The following HDHD5 variants were observed in gnomAD, a reference collection of about 807,000 sequenced individuals.
HDHD5 encodes haloacid dehalogenase like hydrolase domain containing 5.
HDHD5 carries 34 observed loss-of-function variants against 35.5 expected under a neutral mutation model. The observed-to-expected ratio is 0.96, with a 90% CI of 0.73 to 1.28. The LOEUF is 1.28. Ranked by LOEUF, HDHD5 falls within the 50% of genes most tolerant of loss-of-function variation. The probability of loss-of-function intolerance (pLI) is 0.00; values close to 1 mark genes in which losing one functional copy is unlikely to be tolerated. For synonymous variants in HDHD5, 248 were observed against 240.6 expected, an observed-to-expected ratio of 1.03 and a Z score of -0.29; for missense variants, 589 against 560.2, an observed-to-expected ratio of 1.05 and a Z score of -0.52.
intron 3 of HDHD5, among the ~76,000 whole-genome samples, chr22:17,146,383 C>A (rs1374838091): frequency 1.4e-5 from 2 of 142,664 alleles, no homozygotes; most frequent in African/African-American, 5.2e-5. Context: ...GTGAGCTTAC[C>A]GGCCTTCGAT....
chr22:17,144,928 C>T (rs2061643584), intron 4 of HDHD5, 96 bp downstream of exon 4: 1 of 1,428,670 alleles, frequency 7.0e-7, no homozygotes, highest in African/African-American at 1.4e-5. Flanking sequence ...CAAATCACAG[C>T]TCTGCAGGAG....
intron 1 of HDHD5, among the ~76,000 whole-genome samples, chr22:17,151,676 G>A (rs1294307367): frequency 6.8e-6 from 1 of 148,058 alleles, no homozygotes; most frequent in African/African-American, 2.5e-5. Flanking sequence ...GATGCAGTGA[G>A]CCGGGATCGT....
intron 3 of HDHD5, among the ~76,000 whole-genome samples, chr22:17,146,759 C>A (rs879094637): frequency 4.4e-4 from 1 of 2,296 alleles, no homozygotes. Context: ...GCTTACCGGC[C>A]TTCAATCACA....
intron 1 of HDHD5, among the ~76,000 whole-genome samples, chr22:17,164,708 C>T (rs1219449157): frequency 6.6e-6 from 1 of 152,230 alleles, no homozygotes; most frequent in East Asian, 1.9e-4. Context: ...AACTTAACCA[C>T]ATGGTCATGC....
intron 5 of HDHD5, chr22:17,142,811 G>C (rs994704050): frequency 1.4e-4 from 48 of 352,640 alleles, no homozygotes; most frequent in Admixed American, 3.1e-4. Flanking sequence ...GGGAGAACTG[G>C]GTTTAAAAGT....
intron 6 of HDHD5, 104 bp downstream of exon 6, chr22:17,140,955 C>G: frequency 8.9e-7 from 1 of 1,118,360 alleles, no homozygotes; most frequent in Non-Finnish European, 1.2e-6. Context: ...AAGTGAGGTC[C>G]CGGCACCTGG....
chr22:17,137,985 G>A lies in HDHD5; in HGVS notation c.*36C>T, dbSNP rs749097009. ...CCCAGCCAATGGGACTCGCCCACAG[G>A]TCCAGGCTCACCCCCTCACCTCCAC... On this transcript the variant is annotated 3_prime_UTR_variant, in exon 8 of 8. Coordinates refer to ENST00000336737, the MANE Select transcript of HDHD5 (RefSeq NM_033070.3). 8 of 1,558,868 alleles carry A rather than the reference G, an allele frequency of 5.1e-6. No homozygotes were observed. The East Asian group carries it at 1.8e-4, about 35-fold the overall frequency.
chr22:17,156,645 A>G (rs1283462778), intron 1 of HDHD5, among the ~76,000 whole-genome samples: 2 of 152,068 alleles, frequency 1.3e-5, no homozygotes, highest in Non-Finnish European at 2.9e-5. Flanking sequence ...GCGTGGTGGC[A>G]GGCACCTATA....
intron 3 of HDHD5, among the ~76,000 whole-genome samples, chr22:17,146,429 A>C (rs1340603708): frequency 1.1e-4 from 9 of 81,602 alleles, no homozygotes; most frequent in African/African-American, 1.9e-4. Flanking sequence ...CCTGTGGCAC[A>C]CTCCTGTGAG....
chr22:17,143,840 G>A (rs1300124473), intron 4 of HDHD5, among the ~76,000 whole-genome samples: 1 of 152,250 alleles, frequency 6.6e-6, no homozygotes, highest in Non-Finnish European at 1.5e-5. Context: ...TGTGAGAATG[G>A]TCTGACTCAA....
chr22:17,157,734 CAA>C lies in HDHD5; in HGVS notation c.126+1390_126+1391del, dbSNP rs535488197. Among the ~76,000 whole-genome samples the C allele has an allele frequency of 5.9e-5, 9 of 152,208 alleles. No individual in the cohort carries two copies. In the South Asian group the frequency reaches 1.9e-3, roughly 32 times the overall value. On this transcript the variant is annotated intron_variant, in intron 1 of 7. Coordinates refer to ENST00000336737, the MANE Select transcript of HDHD5 (RefSeq NM_033070.3). Reference sequence around the variant, plus strand: ...TCACGTCTAGCTATGTGACACTGGCCAAGTCACTCAGCTGCTTTGAACCTTAG... The same window carrying C: ...TCACGTCTAGCTATGTGACACTGGCCGTCACTCAGCTGCTTTGAACCTTAG...
At position 17,140,956 on chromosome 22, in the gene HDHD5, C is replaced by T. The variant is rs1024842981; in HGVS notation, c.746+103G>A. 2.1e-5 allele frequency: 23 copies of T among 1,113,752 alleles called. No individual in the cohort carries two copies. In the South Asian group the frequency reaches 2.9e-4, roughly 14 times the overall value. The allele number at this position is 1,113,752 out of a possible 1,614,324, so 69.0% of individuals were successfully genotyped here. On this transcript the variant is annotated intron_variant, in intron 6 of 7. Transcript: ENST00000336737. ...AACAGGGCCTACCTAAGTGAGGTCCCGGCACCTGGGGTGTCAGGACGGATG... is the reference window on the plus strand; with the variant it reads ...AACAGGGCCTACCTAAGTGAGGTCCTGGCACCTGGGGTGTCAGGACGGATG...
At chr22:17,147,255 C>A (rs5748905) in intron 3 of HDHD5, among the ~76,000 whole-genome samples, 9 of 19,020 alleles carry the variant, frequency 4.7e-4, no homozygotes, top group Admixed American at 1.8e-3. Context: ...GCTTACCGGC[C>A]TTCGATCACA....
intron 1 of HDHD5, among the ~76,000 whole-genome samples, chr22:17,152,987 C>T (rs1358884726): frequency 6.6e-6 from 1 of 151,776 alleles, no homozygotes; most frequent in Non-Finnish European, 1.5e-5. Flanking sequence ...CTCGAGCCAA[C>T]AAGATATCAC....
upstream of HDHD5, among the ~76,000 whole-genome samples, chr22:17,160,879 A>T (rs1189253741): frequency 1.3e-5 from 2 of 152,000 alleles, no homozygotes; most frequent in African/African-American, 4.8e-5. Context: ...CTATTAAACT[A>T]CCTAGAAACT....
At position 17,138,011 on chromosome 22, in the gene HDHD5, C is replaced by T. The variant is rs770616219; in HGVS notation, c.*10G>A. The stretch of plus-strand genomic sequence containing the variant: ...TCCAGGCTCACCCCCTCACCTCCAC[C>T]GCACTGCCCTCACTCCAAAGCCCAG... On this transcript the variant is annotated 3_prime_UTR_variant, in exon 8 of 8. Transcript: ENST00000336737. 10 of 1,600,918 alleles carry T rather than the reference C, an allele frequency of 6.2e-6. No individual in the cohort carries two copies. The highest frequency in any genetic ancestry group is 1.7e-5 in the Admixed American group (1 of 59,364).
At chr22:17,139,247 G>A (rs1297881296) in intron 6 of HDHD5, among the ~76,000 whole-genome samples, 2 of 152,214 alleles carry the variant, frequency 1.3e-5, no homozygotes, top group East Asian at 3.9e-4. Context: ...GGGACAGGCG[G>A]CCAGGCGCAG....
At chr22:17,140,145 C>T (rs1332096933) in intron 6 of HDHD5, among the ~76,000 whole-genome samples, 1 of 152,214 alleles carries the variant, frequency 6.6e-6, no homozygotes, top group Non-Finnish European at 1.5e-5. Context: ...GGGCCGTGCC[C>T]ACCCTCTGCT....
At chr22:17,151,610 A>G (rs2061725429) in intron 1 of HDHD5, among the ~76,000 whole-genome samples, 1 of 151,972 alleles carries the variant, frequency 6.6e-6, no homozygotes, top group Non-Finnish European at 1.5e-5. Context: ...GGCGCCTGTC[A>G]TCCCAGCTAC....
Sources: allele counts gnomAD v4.1 joint callset (sites outside exome capture counted in the v4.1 genomes callset), GRCh38; gene constraint gnomAD v4.1.1; transcripts MANE v1.5; gene names NCBI Gene and HGNC (gene_info 2026-07-23, HGNC 2026-07-21).